The following PTPRG variants were observed in gnomAD, a reference collection of about 807,000 sequenced individuals.
The protein encoded by PTPRG is protein tyrosine phosphatase receptor type G.
Under a neutral mutation model 165.3 loss-of-function variants are expected in PTPRG, and 102 were observed. That is an observed-to-expected ratio of 0.62 (90% confidence interval 0.53 to 0.73). PTPRG has a LOEUF of 0.73. Among genes scored for constraint, PTPRG ranks in the 30% least tolerant of loss-of-function variants. PTPRG has a pLI of 0.00. For synonymous variants in PTPRG, 675 were observed against 669.5 expected, an observed-to-expected ratio of 1.01 and a Z score of -0.13; for missense variants, 1,866 against 1,861.4, an observed-to-expected ratio of 1.00 and a Z score of -0.05.
chr3:61,837,989 C>T (rs763123561), intron 2 of PTPRG, among the ~76,000 whole-genome samples: 1 of 152,176 alleles, frequency 6.6e-6, no homozygotes, highest in East Asian at 1.9e-4. Flanking sequence ...GACACTTTTG[C>T]CCACATTTAA....
chr3:61,689,676 A>G (rs184064024), intron 1 of PTPRG, among the ~76,000 whole-genome samples: 37 of 152,322 alleles, frequency 2.4e-4, no homozygotes, highest in African/African-American at 8.9e-4. Flanking sequence ...TAATTTCTTC[A>G]TATCCCAGGT....
At chr3:61,931,746 C>G (rs984618688) in intron 2 of PTPRG, among the ~76,000 whole-genome samples, 3 of 152,118 alleles carry the variant, frequency 2.0e-5, no homozygotes, top group African/African-American at 4.8e-5. Flanking sequence ...AAAACAAAAA[C>G]AAAAACAAAA....
chr3:62,137,993 T>C (rs1345795788), intron 6 of PTPRG, among the ~76,000 whole-genome samples: 5 of 152,212 alleles, frequency 3.3e-5, no homozygotes, highest in Non-Finnish European at 5.9e-5. Flanking sequence ...GCTTCAATGA[T>C]TGCTCTCAAT....
chr3:61,659,172 G>A (rs1463133423), intron 1 of PTPRG: 3 of 479,632 alleles, frequency 6.3e-6, no homozygotes, highest in Non-Finnish European at 8.2e-6. Flanking sequence ...GCCATGGCCT[G>A]ATGAACATCA....
At chr3:62,048,571 C>G (rs536841280) in intron 4 of PTPRG, among the ~76,000 whole-genome samples, 1 of 152,158 alleles carries the variant, frequency 6.6e-6, no homozygotes, top group Non-Finnish European at 1.5e-5. Context: ...GAAGGGCAAC[C>G]TTTTTTATAT....
intron 1 of PTPRG, among the ~76,000 whole-genome samples, chr3:61,719,274 G>A (rs554090090): frequency 6.6e-6 from 1 of 152,312 alleles, no homozygotes; most frequent in South Asian, 2.1e-4. Context: ...TCGAGGAAAG[G>A]CCCTGGGCTT....
In PTPRG at chr3:62,210,909, A is replaced by G. The variant is rs1461847293; in HGVS notation, c.2155+6959A>G. ...GGCTTCCGGTCATCAGTAGGCTATT[A>G]GCAGGAAAGCTTTTGGAGACTCAAA... is the stretch of plus-strand genomic sequence containing the variant. On this transcript the variant is annotated intron_variant, in intron 12 of 29. Transcript: ENST00000474889. The surrounding 1 kb of genome is among the most constrained non-coding windows in gnomAD (Gnocchi z 4.1). Among the ~76,000 whole-genome samples, 1 of 152,218 alleles carries G rather than the reference A, an allele frequency of 6.6e-6. No individual in the cohort carries two copies. The highest frequency in any genetic ancestry group is 1.5e-5 in the Non-Finnish European group (1 of 68,036).
chr3:61,659,762 G>A (rs181381198), intron 1 of PTPRG, among the ~76,000 whole-genome samples: 6 of 152,208 alleles, frequency 3.9e-5, no homozygotes, highest in Admixed American at 2.6e-4. Context: ...TTTCATAACC[G>A]ATTTACCTAA....
intron 1 of PTPRG, among the ~76,000 whole-genome samples, chr3:61,565,041 C>T (rs1374458578): frequency 1.3e-5 from 2 of 152,198 alleles, no homozygotes; most frequent in Non-Finnish European, 2.9e-5. Context: ...GCCAAAATCC[C>T]TTTTTATTTA....
intron 4 of PTPRG, among the ~76,000 whole-genome samples, chr3:62,029,788 T>A (rs899313007): frequency 1.3e-5 from 2 of 152,236 alleles, no homozygotes; most frequent in Admixed American, 6.5e-5. Flanking sequence ...AGACCTTGCA[T>A]TTATTTTAAA....
intron 5 of PTPRG, among the ~76,000 whole-genome samples, chr3:62,090,475 C>A: frequency 6.6e-6 from 1 of 152,106 alleles, no homozygotes; most frequent in East Asian, 1.9e-4. Context: ...AACTTAGTAG[C>A]ACAGCTACTC....
chr3:61,920,554 C>T (rs1274881662), intron 2 of PTPRG, among the ~76,000 whole-genome samples: 2 of 152,150 alleles, frequency 1.3e-5, no homozygotes, highest in African/African-American at 2.4e-5. Flanking sequence ...CACCACCACC[C>T]CCAGCTAATT....
rs2040105732 is a variant in PTPRG at position 61,959,595 on chromosome 3, A to G, written c.191-30030A>G. Among the ~76,000 whole-genome samples the G allele has an allele frequency of 3.3e-5, 5 of 152,222 alleles. No individual in the cohort carries two copies. The South Asian group carries it at 1.0e-3, about 32-fold the overall frequency. On this transcript the variant is annotated intron_variant, in intron 2 of 29. Transcript: ENST00000474889. Reference sequence around the variant, plus strand: ...TCCTAACACTAAGGGATGGGTTTGGAGGAGCAGAAATGATTGTTGGAAGCA... The same window carrying G: ...TCCTAACACTAAGGGATGGGTTTGGGGGAGCAGAAATGATTGTTGGAAGCA...
intron 6 of PTPRG, among the ~76,000 whole-genome samples, chr3:62,149,474 G>A (rs1313227101): frequency 6.6e-6 from 1 of 152,030 alleles, no homozygotes; most frequent in African/African-American, 2.4e-5. Flanking sequence ...TCGCCAAGTT[G>A]GCCAGGTGGT....
At chr3:61,919,840 T>TG (rs1037798641) in intron 2 of PTPRG, among the ~76,000 whole-genome samples, 51 of 152,334 alleles carry the variant, frequency 3.3e-4, no homozygotes, top group African/African-American at 1.2e-3. Flanking sequence ...CCCTTACCTC[T>TG]GCAGCTAAGA....
At chr3:61,625,081 T>A (rs2106911978) in intron 1 of PTPRG, among the ~76,000 whole-genome samples, 1 of 152,032 alleles carries the variant, frequency 6.6e-6, no homozygotes, top group Admixed American at 6.6e-5. Context: ...ATATTTTCTC[T>A]CTTTTCAAGG....
chr3:62,165,254 T>TA (rs1704925379), intron 7 of PTPRG, among the ~76,000 whole-genome samples: 1 of 152,354 alleles, frequency 6.6e-6, no homozygotes, highest in African/African-American at 2.4e-5. Context: ...TTGATTGGTC[T>TA]TTTTCTGGGC....
At chr3:62,253,355 A>G (rs1701464825) in intron 15 of PTPRG, among the ~76,000 whole-genome samples, 1 of 152,200 alleles carries the variant, frequency 6.6e-6, no homozygotes, top group Non-Finnish European at 1.5e-5. Context: ...TCTGCCCTTG[A>G]AAATAGTGTT....
At chr3:61,921,382 A>T (rs1331651619) in intron 2 of PTPRG, among the ~76,000 whole-genome samples, 1 of 152,198 alleles carries the variant, frequency 6.6e-6, no homozygotes, top group East Asian at 1.9e-4. Flanking sequence ...ATCTAGTAGG[A>T]TAACGGGATG....
Sources: allele counts gnomAD v4.1 joint callset (sites outside exome capture counted in the v4.1 genomes callset), GRCh38; gene constraint gnomAD v4.1.1; non-coding constraint Gnocchi (gnomAD v3.1); transcripts MANE v1.5; gene names NCBI Gene and HGNC (gene_info 2026-07-23, HGNC 2026-07-21).